GPATCH2L: variants seen among roughly 807,000 people sequenced by gnomAD.
The protein encoded by GPATCH2L is G-patch domain containing 2 like.
A neutral mutation model predicts 57.4 loss-of-function variants in GPATCH2L; 31 were observed. That is an observed-to-expected ratio of 0.54 (90% CI 0.41 to 0.73). GPATCH2L has a LOEUF of 0.73. GPATCH2L is among the 30% of genes least tolerant of loss of function. GPATCH2L has a pLI of 0.00. For missense variants in GPATCH2L, 481 were observed against 599.9 expected (o/e 0.80, Z 2.07); for synonymous variants, 199 against 210.7 (o/e 0.94, Z 0.48).
At chr14:76,181,361 C>T (rs571873657) in intron 8 of GPATCH2L, among the ~76,000 whole-genome samples, 105 of 152,318 alleles carry the variant, frequency 6.9e-4, no homozygotes, top group African/African-American at 2.4e-3. Flanking sequence ...TGTCTCAGCT[C>T]AGGTGCCACC....
At chr14:76,160,678 A>G (rs2038541926) in intron 2 of GPATCH2L, among the ~76,000 whole-genome samples, 1 of 152,232 alleles carries the variant, frequency 6.6e-6, no homozygotes, top group Non-Finnish European at 1.5e-5. Context: ...GCTCAAGACT[A>G]AGGAAAGAAA....
intron 4 of GPATCH2L, among the ~76,000 whole-genome samples, chr14:76,172,806 G>A (rs2039147030): frequency 6.6e-6 from 1 of 152,202 alleles, no homozygotes; most frequent in African/African-American, 2.4e-5. Flanking sequence ...ATGTAAACTT[G>A]TATTATGTAG....
At chr14:76,188,711 G>C (rs777786577) in intron 8 of GPATCH2L, among the ~76,000 whole-genome samples, 1 of 151,974 alleles carries the variant, frequency 6.6e-6, no homozygotes, top group African/African-American at 2.4e-5. Context: ...TTAACTCAAT[G>C]TGATCCCATT....
chr14:76,166,481 C>T (rs897048836), intron 2 of GPATCH2L, among the ~76,000 whole-genome samples, 182 bp from the exon 3 acceptor site: 3 of 152,050 alleles, frequency 2.0e-5, no homozygotes, highest in Admixed American at 6.5e-5. Context: ...TAGAATTCTC[C>T]TCTTATATTT....
At chr14:76,158,564 G>T (rs1320768685) in intron 2 of GPATCH2L, among the ~76,000 whole-genome samples, 3 of 152,202 alleles carry the variant, frequency 2.0e-5, no homozygotes, top group African/African-American at 7.2e-5. Context: ...GCAGTAGCTT[G>T]TTGGATCAAT....
At chr14:76,165,405 T>C (rs919434030) in intron 2 of GPATCH2L, among the ~76,000 whole-genome samples, 1 of 151,520 alleles carries the variant, frequency 6.6e-6, no homozygotes, top group African/African-American at 2.4e-5. Flanking sequence ...GGTAGGAGAA[T>C]TGCTTGAACC....
At chr14:76,174,488 A>G (rs1346082355) in intron 5 of GPATCH2L, 1 of 152,242 alleles carries the variant, frequency 6.6e-6, no homozygotes, top group Non-Finnish European at 1.5e-5. Context: ...TATGTGCCAC[A>G]GTCTGGCTTC....
At chr14:76,162,887 T>C (rs978922939) in intron 2 of GPATCH2L, among the ~76,000 whole-genome samples, 1 of 152,226 alleles carries the variant, frequency 6.6e-6, no homozygotes, top group Non-Finnish European at 1.5e-5. Context: ...GATATATTAT[T>C]TGCTGATAAG....
chr14:76,232,060 C>T (rs571150135), intron 2 of GPATCH2L, among the ~76,000 whole-genome samples: 218 of 5,086 alleles, frequency 0.043, no homozygotes, highest in Admixed American at 0.11. Flanking sequence ...TATAGGTGTG[C>T]GCCACCACGC....
At chr14:76,165,528 T>G (rs1009272396) in intron 2 of GPATCH2L, among the ~76,000 whole-genome samples, 1 of 151,766 alleles carries the variant, frequency 6.6e-6, no homozygotes, top group Non-Finnish European at 1.5e-5. Context: ...TTTGTTCCAT[T>G]ATGGCACATG....
intron 3 of GPATCH2L, among the ~76,000 whole-genome samples, chr14:76,167,828 A>G (rs1002661502): frequency 1.3e-5 from 2 of 152,284 alleles, no homozygotes; most frequent in Middle Eastern, 3.4e-3. Flanking sequence ...TCCATGAATG[A>G]GTTATATATA....
At chr14:76,216,650 T>A (rs1318501833), downstream of GPATCH2L, among the ~76,000 whole-genome samples, 5 of 152,168 alleles carry the variant, frequency 3.3e-5, no homozygotes, top group East Asian at 9.6e-4. Context: ...ACCCCCACAA[T>A]GCCATCAGTT....
rs1321255558 is a variant in GPATCH2L, at chr14:76,195,751, ATG to A, written c.1194-126_1194-125del. The A allele has an allele frequency of 9.9e-5, 70 of 708,310 alleles. No individual in the cohort carries two copies. In the African/African-American group the frequency reaches 1.1e-3, roughly 11 times the overall value. The allele number at this position is 708,310 out of a possible 1,614,324, so 43.9% of individuals were successfully genotyped here. A position where few individuals can be genotyped will look rare whatever the true frequency, so the allele number is the denominator to read the frequency against. ...CTGAATAATGTTGTCCCAATGCTTAATGGCAAAAGATGGTGCCCATTTTGTTT... is the reference window on the plus strand; with the variant it reads ...CTGAATAATGTTGTCCCAATGCTTAAGCAAAAGATGGTGCCCATTTTGTTT... On this transcript the variant is annotated intron_variant, in intron 8 of 9. Transcript: ENST00000261530.
chr14:76,166,481 CTCTTA>C (rs1165388880), intron 2 of GPATCH2L, among the ~76,000 whole-genome samples, 177 bp from the exon 3 acceptor site: 1 of 152,050 alleles, frequency 6.6e-6, no homozygotes, highest in South Asian at 2.1e-4. Context: ...TAGAATTCTC[CTCTTA>C]TATTTCTTTT....
Position 76,154,263 on chromosome 14 carries a change from C to T in GPATCH2L, c.-10-91C>T. Reference sequence around the variant, plus strand: ...TGTGGACTACCATGATCTGTTTCATCAAATTATTCCAAAACAACAGATCCT... The same window carrying T: ...TGTGGACTACCATGATCTGTTTCATTAAATTATTCCAAAACAACAGATCCT... On this transcript the variant is annotated intron_variant, in intron 1 of 9. Transcript: ENST00000261530. This position sits in a 1 kb window ranked among gnomAD's most constrained non-coding sequence, Gnocchi z 4.4. The T allele has an allele frequency of 9.0e-7, 1 of 1,112,896 alleles. No homozygotes were observed. The highest frequency in any genetic ancestry group is 1.3e-6 in the Non-Finnish European group (1 of 780,292). The allele number at this position is 1,112,896 out of a possible 1,614,324, so 68.9% of individuals were successfully genotyped here. A position where few individuals can be genotyped will look rare whatever the true frequency, so the allele number is the denominator to read the frequency against.
In GPATCH2L at chr14:76,154,760, A is replaced by C; in HGVS notation, c.397A>C (p.Lys133Gln). The change falls in exon 2 of 10, where the codon AAG becomes CAG. Residue 133 changes from lysine (K) to glutamine (Q), a missense_variant. Around this residue, in one of 3 missense-constraint regions of GPATCH2L, gnomAD observed 208 missense variants for 272.4 expected, o/e 0.76. Transcript: ENST00000261530. The surrounding 1 kb of genome is among the most constrained non-coding windows in gnomAD (Gnocchi z 4.4). ...ACCACTCAGGCGCAGGCGGAAGGTGAAGCGAGTGACATCAGAGGTGGCTGC... is the reference window on the plus strand; with the variant it reads ...ACCACTCAGGCGCAGGCGGAAGGTGCAGCGAGTGACATCAGAGGTGGCTGC... ...CRPLRRRRKV[K>Q]RVTSEVAASL... The C allele has an allele frequency of 1.2e-6, 2 of 1,614,228 alleles. No individual in the cohort carries two copies. The highest frequency in any genetic ancestry group is 1.7e-6 in the Non-Finnish European group (2 of 1,180,034).
chr14:76,225,086 C>T (rs189225647), intron 1 of GPATCH2L, among the ~76,000 whole-genome samples: 18 of 152,176 alleles, frequency 1.2e-4, no homozygotes, highest in Admixed American at 1.2e-3. Context: ...CAATTCCAGT[C>T]AAAATCACAG....
Position 76,211,863 on chromosome 14 carries a change from GA to G in GPATCH2L, c.*10015del, listed in dbSNP as rs2040443881. 1 of 152,118 alleles carries G rather than the reference GA, an allele frequency of 6.6e-6. No individual in the cohort carries two copies. Among genetic ancestry groups the G allele is most frequent in the South Asian group, 2.1e-4 (1 of 4,824 alleles). The allele number at this position is 152,118 out of a possible 1,614,324, so 9.4% of individuals were successfully genotyped here. A position where few individuals can be genotyped will look rare whatever the true frequency, so the allele number is the denominator to read the frequency against. On this transcript the variant is annotated 3_prime_UTR_variant, in exon 10 of 10. Transcript: ENST00000261530. ...AAATCTTTTGAAACTGCATAAAAGT[GA>G]AATAATTATGAGTTTTGGGCCAACA...
intron 2 of GPATCH2L, among the ~76,000 whole-genome samples, chr14:76,162,687 T>C (rs1038822141): frequency 3.3e-5 from 5 of 152,194 alleles, no homozygotes; most frequent in African/African-American, 1.2e-4. Flanking sequence ...GTTTTTACTT[T>C]GATTTCAAAG....
Sources: gnomAD v4.1 joint callset for allele counts (sites outside exome capture counted in the v4.1 genomes callset) on GRCh38, gnomAD v4.1.1 for gene constraint, gnomAD v4.1.1 regional missense constraint, Gnocchi (gnomAD v3.1) non-coding constraint, MANE v1.5 for transcripts, NCBI Gene and HGNC (gene_info 2026-07-23, HGNC 2026-07-21) for gene names.